Variants in MAP3K1 observed in about 807,000 individuals in gnomAD.
MAP3K1 encodes MAP/ERK kinase kinase 1.
MAP3K1 carries 36 observed loss-of-function variants against 144.2 expected under a neutral mutation model. The observed-to-expected ratio is 0.25, with a 90% CI of 0.19 to 0.33. MAP3K1 has a LOEUF of 0.33. Among genes scored for constraint, MAP3K1 ranks in the 10% least tolerant of loss-of-function variants. The pLI is 1.00. For synonymous variants in MAP3K1, 718 were observed against 688.7 expected, an observed-to-expected ratio of 1.04 and a Z score of -0.67; for missense variants, 1,650 against 1,881.9, an observed-to-expected ratio of 0.88 and a Z score of 2.28.
In MAP3K1 at chr5:56,887,480, AG is replaced by A; in HGVS notation, c.4220del (p.Gly1407AspfsTer15). The A allele has an allele frequency of 6.2e-7, 1 of 1,614,162 alleles. No homozygotes were observed. Among genetic ancestry groups the A allele is most frequent in the Non-Finnish European group, 8.5e-7 (1 of 1,179,982 alleles). On this transcript the variant is annotated frameshift_variant, in exon 18 of 20. Coordinates refer to ENST00000399503, the MANE Select transcript of MAP3K1 (RefSeq NM_005921.2). LOFTEE classifies it high-confidence loss of function. ...ASKGTGAGEF[Q>X]GQLLGTIAFM... Reference sequence around the variant, plus strand: ...AAAGGAACTGGTGCAGGAGAGTTTCAGGGACAATTACTGGGGACAATTGCAT... The same window carrying A: ...AAAGGAACTGGTGCAGGAGAGTTTCAGGACAATTACTGGGGACAATTGCAT...
At chr5:56,875,628 C>T (rs547289796) in intron 10 of MAP3K1, among the ~76,000 whole-genome samples, 14 of 152,200 alleles carry the variant, frequency 9.2e-5, no homozygotes, top group East Asian at 3.9e-4. Flanking sequence ...AAGCTCCTTC[C>T]TCATCCTCCT....
intron 9 of MAP3K1, among the ~76,000 whole-genome samples, chr5:56,873,537 GT>G (rs981706986): frequency 6.6e-6 from 1 of 152,082 alleles, no homozygotes; most frequent in African/African-American, 2.4e-5. Flanking sequence ...CTGATTGAAT[GT>G]TTTTTCATCC....
At chr5:56,860,919 C>T (rs1004294306) in intron 3 of MAP3K1, among the ~76,000 whole-genome samples, 7 of 152,022 alleles carry the variant, frequency 4.6e-5, no homozygotes, top group Non-Finnish European at 1.5e-5. Flanking sequence ...GTTGAGATGT[C>T]GAAACAAAAA....
Position 56,873,022 on chromosome 5 carries a change from T to A in MAP3K1, c.1686+17T>A, listed in dbSNP as rs756034979. ...TGGATTCAGGTAAGTAGTTCTTTGT[T>A]TTTCATTTCTCAAAGAAATATTTAT... On this transcript the variant is annotated intron_variant, in intron 9 of 19. Transcript: ENST00000399503. 1.2e-6 allele frequency: 2 copies of A among 1,605,842 alleles called. No homozygotes were observed. The highest frequency in any genetic ancestry group is 1.7e-6 in the Non-Finnish European group (2 of 1,173,486).
intron 1 of MAP3K1, among the ~76,000 whole-genome samples, chr5:56,831,209 A>G (rs1290793222): frequency 1.4e-5 from 2 of 138,362 alleles, no homozygotes; most frequent in Non-Finnish European, 1.5e-5. Context: ...TTTTAGGATC[A>G]TGTGTGTGAA....
rs1191389085 is a variant in MAP3K1 at position 56,872,268 on chromosome 5, A to G, written c.1423+237A>G. ...TGTGTGTGACATATGTGATAATGGA[A>G]GAAGTGCACAGAATTAGAAACAATT... On this transcript the variant is annotated intron_variant, in intron 7 of 19. Coordinates refer to ENST00000399503, the MANE Select transcript of MAP3K1 (RefSeq NM_005921.2). 2.6e-5 allele frequency among the ~76,000 whole-genome samples: 4 copies of G among 152,228 alleles called. No individual in the cohort carries two copies. The East Asian group carries it at 7.7e-4, about 29-fold the overall frequency.
chr5:56,880,789 A>G lies in MAP3K1; in HGVS notation c.2166A>G (p.Glu722=). The G allele has an allele frequency of 6.2e-7, 1 of 1,613,280 alleles. No homozygotes were observed. The highest frequency in any genetic ancestry group is 8.5e-7 in the Non-Finnish European group (1 of 1,179,368). The change falls in exon 12 of 20, where the codon GAA becomes GAG. Residue 722 remains glutamate (E), a synonymous_variant. Coordinates refer to ENST00000399503, the MANE Select transcript of MAP3K1 (RefSeq NM_005921.2). Reference sequence around the variant, plus strand: ...CAGGAGAGTTGGCAGTTGGCAGAGAAATACTAAAAGCTGGTAATAACTTTT... The same window carrying G: ...CAGGAGAGTTGGCAGTTGGCAGAGAGATACTAAAAGCTGGTAATAACTTTT... The part of the protein sequence containing the change: ...GQAGELAVGR[E]ILKAGSIGIG...
intron 1 of MAP3K1, among the ~76,000 whole-genome samples, chr5:56,845,278 T>A (rs1210324015): frequency 1.3e-5 from 2 of 152,252 alleles, no homozygotes; most frequent in Admixed American, 6.5e-5. Flanking sequence ...ATACTCAAAC[T>A]GCACTGCCAC....
chr5:56,861,661 T>G (rs1042267303), intron 3 of MAP3K1, among the ~76,000 whole-genome samples: 3 of 152,086 alleles, frequency 2.0e-5, no homozygotes, highest in African/African-American at 7.2e-5. Context: ...TTCATATACT[T>G]TAATCAAAAC....
intron 3 of MAP3K1, among the ~76,000 whole-genome samples, chr5:56,863,645 T>C (rs2111886963): frequency 6.6e-6 from 1 of 152,356 alleles, no homozygotes; most frequent in Middle Eastern, 3.4e-3. Flanking sequence ...CTCATTTCTC[T>C]TGAGTTTATA....
At chr5:56,887,895 C>T (rs1748433254) in intron 18 of MAP3K1, 4 of 437,580 alleles carry the variant, frequency 9.1e-6, no homozygotes, top group Non-Finnish European at 1.7e-5. Flanking sequence ...GGAGTTTAAG[C>T]ATTGTTCTTC....
Position 56,881,238 on chromosome 5 carries a change from A to G in MAP3K1, c.2335A>G (p.Thr779Ala). ...PAEFYPHIVSTDVSQAEPVEI... is the reference protein window; with the variant it reads ...PAEFYPHIVSADVSQAEPVEI... Reference sequence around the variant, plus strand: ...TGAATTTTATCCTCATATTGTCAGTACTGATGTTTCACAAGCTGAGCCTGT... The same window carrying G: ...TGAATTTTATCCTCATATTGTCAGTGCTGATGTTTCACAAGCTGAGCCTGT... Residue 779 changes from threonine to alanine, a missense_variant, in exon 13 of 20, where the codon ACT becomes GCT. Transcript: ENST00000399503. 3.1e-6 allele frequency: 5 copies of G among 1,613,718 alleles called. No homozygotes were observed. The highest frequency in any genetic ancestry group is 4.2e-6 in the Non-Finnish European group (5 of 1,179,900).
chr5:56,859,981 A>G (rs553197308), intron 3 of MAP3K1, 66 bp downstream of exon 3: 4 of 1,310,470 alleles, frequency 3.1e-6, no homozygotes, highest in East Asian at 2.5e-5. Context: ...AACAAAGAAA[A>G]GACTGGCCAG....
At chr5:56,855,353 G>A (rs910018487) in intron 1 of MAP3K1, among the ~76,000 whole-genome samples, 1 of 152,122 alleles carries the variant, frequency 6.6e-6, no homozygotes, top group Non-Finnish European at 1.5e-5. Flanking sequence ...ATTTGTGTGT[G>A]TATGTGTGTG....
intron 10 of MAP3K1, among the ~76,000 whole-genome samples, chr5:56,876,107 G>C (rs1016304559): frequency 1.4e-5 from 2 of 144,732 alleles, no homozygotes; most frequent in Non-Finnish European, 3.0e-5. Context: ...TCCATTCTGC[G>C]TATATGTCTC....
At chr5:56,886,649 G>A (rs1748386857) in intron 17 of MAP3K1, among the ~76,000 whole-genome samples, 1 of 152,178 alleles carries the variant, frequency 6.6e-6, no homozygotes, top group African/African-American at 2.4e-5. Context: ...ATGATACGCT[G>A]ACTCCCAGAA....
chr5:56,850,087 T>G (rs1747123174), intron 1 of MAP3K1, among the ~76,000 whole-genome samples: 1 of 152,208 alleles, frequency 6.6e-6, no homozygotes, highest in Non-Finnish European at 1.5e-5. Flanking sequence ...TATCCTCAGT[T>G]TAAGTCATTC....
At chr5:56,859,065 T>TAAAAAAAAAAAA (rs34494768) in intron 2 of MAP3K1, among the ~76,000 whole-genome samples, 1 of 125,582 alleles carries the variant, frequency 8.0e-6, no homozygotes, top group Non-Finnish European at 1.7e-5. Flanking sequence ...AAGCCTTAAT[T>TAAAAAAAAAAAA]AAAAAAAAAA....
intron 9 of MAP3K1, 130 bp downstream of exon 9, chr5:56,873,135 A>G: frequency 1.2e-6 from 1 of 828,872 alleles, no homozygotes; most frequent in East Asian, 2.7e-5. Flanking sequence ...CCTTCATTCC[A>G]CTGGAAATTT....
Sources: gnomAD v4.1 joint callset for allele counts (sites outside exome capture counted in the v4.1 genomes callset) on GRCh38, gnomAD v4.1.1 for gene constraint, MANE v1.5 for transcripts, NCBI Gene and HGNC (gene_info 2026-07-23, HGNC 2026-07-21) for gene names.